The following PTPRN2 variants were observed in gnomAD, a reference collection of about 807,000 sequenced individuals.
The protein encoded by PTPRN2 is receptor-type tyrosine-protein phosphatase N2.
A neutral mutation model predicts 118.8 loss-of-function variants in PTPRN2; 74 were observed. That is an observed-to-expected ratio of 0.62 (90% confidence interval 0.52 to 0.76). The LOEUF (loss-of-function observed/expected upper bound fraction) is 0.76, where lower values mean the gene tolerates loss of function less well. Among genes scored for constraint, PTPRN2 ranks in the 30% least tolerant of loss-of-function variants. PTPRN2 has a pLI of 0.00. For synonymous variants in PTPRN2, 641 were observed against 608.0 expected, an observed-to-expected ratio of 1.05 and a Z score of -0.80; for missense variants, 1,481 against 1,394.4, an observed-to-expected ratio of 1.06 and a Z score of -0.99.
At chr7:157,796,358 G>A (rs1005091410) in intron 12 of PTPRN2, among the ~76,000 whole-genome samples, 2 of 151,804 alleles carry the variant, frequency 1.3e-5, no homozygotes, top group African/African-American at 4.8e-5. Context: ...ACATCCCTGT[G>A]GGGCCTTGTG....
intron 1 of PTPRN2, among the ~76,000 whole-genome samples, chr7:158,561,087 T>A (rs1827353469): frequency 6.6e-6 from 1 of 152,194 alleles, no homozygotes; most frequent in Non-Finnish European, 1.5e-5. Context: ...TTTAGTGAAG[T>A]CTTCCACCCT....
intron 17 of PTPRN2, 25 bp downstream of exon 17, chr7:157,595,213 G>C: frequency 6.2e-7 from 1 of 1,608,270 alleles, no homozygotes; most frequent in Non-Finnish European, 8.5e-7. Flanking sequence ...TTCAGAAAGA[G>C]AGATTTTAAT....
At chr7:158,274,093 T>C (rs373033126) in intron 3 of PTPRN2, among the ~76,000 whole-genome samples, 33 of 29,362 alleles carry the variant, frequency 1.1e-3, no homozygotes, top group East Asian at 5.4e-3. Context: ...CAGGGGGAGC[T>C]GCAGACAGAC....
At chr7:158,057,901 G>A (rs936708733) in intron 11 of PTPRN2, among the ~76,000 whole-genome samples, 6 of 152,182 alleles carry the variant, frequency 3.9e-5, no homozygotes, top group South Asian at 2.1e-4. Context: ...TCAGGTCTAC[G>A]AATACGACAT....
intron 11 of PTPRN2, among the ~76,000 whole-genome samples, chr7:158,050,779 G>T (rs1231536108): frequency 6.6e-6 from 1 of 152,234 alleles, no homozygotes; most frequent in Non-Finnish European, 1.5e-5. Context: ...TCAAGTACCT[G>T]CCTACCAAGA....
chr7:158,098,211 G>T (rs1274170454), intron 10 of PTPRN2, among the ~76,000 whole-genome samples: 10 of 152,216 alleles, frequency 6.6e-5, no homozygotes, highest in Admixed American at 6.5e-4. Flanking sequence ...CAGGACTGGG[G>T]ACCTCGGAGA....
chr7:157,691,755 C>T (rs765728437), intron 12 of PTPRN2, among the ~76,000 whole-genome samples: 6 of 152,330 alleles, frequency 3.9e-5, no homozygotes, highest in Admixed American at 6.5e-5. Context: ...GGCCACGCTC[C>T]CAGTCGTTCG....
Position 157,711,450 on chromosome 7 carries a change from C to T in PTPRN2, c.1789-28513G>A, listed in dbSNP as rs536271539. ...CGCGAGAGCCCCACGCGCCGGAGGT[C>T]CGGTTTGTGCACCTGCACACGGGTC... On this transcript the variant is annotated intron_variant, in intron 12 of 22. Transcript: ENST00000389418. Among the ~76,000 whole-genome samples, 23 of 46,232 alleles carry T rather than the reference C, an allele frequency of 5.0e-4. 1 individual carries two copies. The South Asian group carries it at 6.9e-3, about 14-fold the overall frequency. 30.3% of individuals were successfully genotyped at this position (46,232 alleles called of 152,430 possible).
At chr7:157,933,251 TG>T (rs1431564811) in intron 11 of PTPRN2, among the ~76,000 whole-genome samples, 1 of 139,814 alleles carries the variant, frequency 7.2e-6, no homozygotes, top group East Asian at 2.2e-4. Flanking sequence ...AGAGGAGGGG[TG>T]AGTCACTCAT....
chr7:158,560,998 A>G (rs992540084), intron 1 of PTPRN2, among the ~76,000 whole-genome samples: 2 of 152,230 alleles, frequency 1.3e-5, no homozygotes, highest in African/African-American at 4.8e-5. Flanking sequence ...GCCCATTCAC[A>G]TGTCAGAATG....
chr7:158,434,667 T>G (rs111684063), intron 2 of PTPRN2, among the ~76,000 whole-genome samples: 164 of 152,338 alleles, frequency 1.1e-3, no homozygotes, highest in African/African-American at 3.8e-3. Context: ...TATTGGGATT[T>G]ATATCGACTA....
chr7:158,420,860 T>C (rs1815188843), intron 2 of PTPRN2, among the ~76,000 whole-genome samples: 3 of 152,270 alleles, frequency 2.0e-5, no homozygotes, highest in African/African-American at 7.2e-5. Flanking sequence ...TTCCTCCGCG[T>C]CCCTGTTGAT....
intron 6 of PTPRN2, among the ~76,000 whole-genome samples, chr7:158,155,286 G>A (rs189625321): frequency 6.6e-6 from 1 of 152,170 alleles, no homozygotes; most frequent in African/African-American, 2.4e-5. Context: ...ATCAGCAACA[G>A]CCTGCAGATA....
chr7:158,116,260 AAACT>A (rs1283926551), intron 9 of PTPRN2, among the ~76,000 whole-genome samples: 1 of 152,258 alleles, frequency 6.6e-6, no homozygotes, highest in African/African-American at 2.4e-5. Flanking sequence ...AGTTTCTGTA[AAACT>A]AAAGTAAAGC....
At chr7:157,956,967 C>T (rs1801220083) in intron 11 of PTPRN2, among the ~76,000 whole-genome samples, 1 of 152,168 alleles carries the variant, frequency 6.6e-6, no homozygotes, top group Admixed American at 6.5e-5. Flanking sequence ...CATCTGAGCC[C>T]ATTCTGTTTT....
At position 157,744,139 on chromosome 7, in the gene PTPRN2, G is replaced by A. The variant is rs535341467; in HGVS notation, c.1789-61202C>T. On this transcript the variant is annotated intron_variant, in intron 12 of 22. Transcript: ENST00000389418. ...CACATGTTTCCTGAGGTGCTACTACGTGCTAGGTTACTGGGTACAGCAAGA... is the reference window on the plus strand; with the variant it reads ...CACATGTTTCCTGAGGTGCTACTACATGCTAGGTTACTGGGTACAGCAAGA... 4.5e-4 allele frequency among the ~76,000 whole-genome samples: 69 copies of A among 152,304 alleles called. No homozygotes were observed. In the South Asian group the frequency reaches 0.011, roughly 24 times the overall value.
chr7:158,071,367 ATGG>A lies in PTPRN2; in HGVS notation c.1723+9928_1723+9930del, dbSNP rs1222497264. On this transcript the variant is annotated intron_variant, in intron 11 of 22. Coordinates refer to ENST00000389418, the MANE Select transcript of PTPRN2 (RefSeq NM_002847.5). ...GGTGCTCGTGGTGGTGGAGGTGCTC[ATGG>A]TGGTGGAGGTGCTCGTGGTGGAGGT... 1.4e-3 allele frequency among the ~76,000 whole-genome samples: 57 copies of A among 40,600 alleles called. 1 individual carries two copies. The highest frequency in any genetic ancestry group is 1.6e-3 in the Non-Finnish European group (36 of 23,192). 26.6% of individuals were successfully genotyped at this position (40,600 alleles called of 152,430 possible).
At chr7:157,791,579 C>G (rs915430327) in intron 12 of PTPRN2, among the ~76,000 whole-genome samples, 1 of 151,168 alleles carries the variant, frequency 6.6e-6, no homozygotes, top group African/African-American at 2.4e-5. Flanking sequence ...CCCGCCCCCC[C>G]TCCCTGCACC....
chr7:158,175,072 G>T (rs1824064880), intron 5 of PTPRN2, among the ~76,000 whole-genome samples: 1 of 151,776 alleles, frequency 6.6e-6, no homozygotes, highest in South Asian at 2.1e-4. Flanking sequence ...GGAGACTCCT[G>T]TGTGTGCACT....
Sources: gnomAD v4.1 joint callset for allele counts (sites outside exome capture counted in the v4.1 genomes callset) on GRCh38, gnomAD v4.1.1 for gene constraint, MANE v1.5 for transcripts, NCBI Gene and HGNC (gene_info 2026-07-23, HGNC 2026-07-21) for gene names.